SLC12A8: variants seen among roughly 807,000 people sequenced by gnomAD.
SLC12A8 encodes cation-chloride cotransporter 9.
In SLC12A8, 69 loss-of-function variants were observed where a neutral mutation model predicts 75.6. The observed-to-expected ratio is 0.91, with a 90% CI of 0.75 to 1.11. The LOEUF (loss-of-function observed/expected upper bound fraction) is 1.11, where lower values mean the gene tolerates loss of function less well. SLC12A8 is among the 50% of genes most tolerant of loss of function. The pLI, the probability that SLC12A8 is intolerant of heterozygous loss-of-function variation, is 0.00. For missense variants in SLC12A8, 877 were observed against 896.7 expected, an observed-to-expected ratio of 0.98 and a Z score of 0.28; for synonymous variants, 365 against 372.8, an observed-to-expected ratio of 0.98 and a Z score of 0.24.
At chr3:125,178,373 G>A (rs997246866) in intron 4 of SLC12A8, among the ~76,000 whole-genome samples, 1 of 152,040 alleles carries the variant, frequency 6.6e-6, no homozygotes, top group Admixed American at 6.6e-5. Context: ...AAAGGACACT[G>A]CAGTAAACCA....
At position 125,100,998 on chromosome 3, in the gene SLC12A8, C is replaced by T. The variant is rs1278977439; in HGVS notation, c.1705+6483G>A. Among the ~76,000 whole-genome samples, 50 of 117,448 alleles carry T rather than the reference C, an allele frequency of 4.3e-4. 3 individuals carry two copies. The highest frequency in any genetic ancestry group is 2.9e-3 in the Admixed American group (24 of 8,276). 77.1% of individuals were successfully genotyped at this position (117,448 alleles called of 152,430 possible). A position where few individuals can be genotyped will look rare whatever the true frequency, so the allele number is the denominator to read the frequency against. On this transcript the variant is annotated intron_variant, in intron 10 of 13. Transcript: ENST00000469902. ...ACTGCAGTCCGCAGTCCGGCCTGGG[C>T]GACAGAGCGAGACTCCGTCTCAAAA...
rs577417656 is a variant in SLC12A8 at position 125,095,175 on chromosome 3, C to T, written c.1706-2977G>A. On this transcript the variant is annotated intron_variant, in intron 10 of 13. Coordinates refer to ENST00000469902, the MANE Select transcript of SLC12A8 (RefSeq NM_024628.6). ...AAGTTTACATCATCCTCGACCTCTCCCTTGAACTTAAGTTTTGAATAGCTC... is the reference window on the plus strand; with the variant it reads ...AAGTTTACATCATCCTCGACCTCTCTCTTGAACTTAAGTTTTGAATAGCTC... Among the ~76,000 whole-genome samples the T allele has an allele frequency of 2.6e-5, 4 of 152,314 alleles. No homozygotes were observed. The East Asian group carries it at 5.8e-4, about 22-fold the overall frequency.
chr3:125,189,413 C>T (rs1934863875), intron 3 of SLC12A8, among the ~76,000 whole-genome samples: 1 of 152,216 alleles, frequency 6.6e-6, no homozygotes, highest in Admixed American at 6.5e-5. Flanking sequence ...GTCCAGCTCA[C>T]CCTTCAAAGC....
At chr3:125,123,161 G>C (rs1269484964) in intron 6 of SLC12A8, among the ~76,000 whole-genome samples, 1 of 151,804 alleles carries the variant, frequency 6.6e-6, no homozygotes, top group Non-Finnish European at 1.5e-5. Flanking sequence ...GATCATCTGA[G>C]GTCAGGAGTT....
intron 10 of SLC12A8, among the ~76,000 whole-genome samples, chr3:125,106,489 C>G (rs951998713): frequency 6.6e-6 from 1 of 152,024 alleles, no homozygotes; most frequent in Admixed American, 6.6e-5. Flanking sequence ...CTGCAACCTC[C>G]GCCTCCTGGG....
intron 12 of SLC12A8, 132 bp downstream of exon 12, chr3:125,091,307 C>T (rs1386155318): frequency 4.5e-6 from 3 of 660,096 alleles, no homozygotes; most frequent in African/African-American, 1.8e-5. Flanking sequence ...TCCTCCTAGA[C>T]TATAAATTAT....
chr3:125,141,523 C>A (rs1193738830), intron 5 of SLC12A8, among the ~76,000 whole-genome samples: 1 of 152,232 alleles, frequency 6.6e-6, no homozygotes, highest in African/African-American at 2.4e-5. Flanking sequence ...GTGGCACCTG[C>A]GGTGCCCCCG....
chr3:125,147,370 G>C (rs1420430023), intron 5 of SLC12A8, among the ~76,000 whole-genome samples: 1 of 152,224 alleles, frequency 6.6e-6, no homozygotes, highest in Non-Finnish European at 1.5e-5. Context: ...GGGGCTGGCA[G>C]GGGCACTCTG....
At chr3:125,190,295 T>C in intron 3 of SLC12A8, 80 bp downstream of exon 3, 3 of 1,492,344 alleles carry the variant, frequency 2.0e-6, no homozygotes, top group Non-Finnish European at 2.8e-6. Flanking sequence ...ATCTGTGGCC[T>C]GCACTGTAGA....
At chr3:125,210,037 T>G (rs888052994) in intron 2 of SLC12A8, among the ~76,000 whole-genome samples, 2 of 152,160 alleles carry the variant, frequency 1.3e-5, no homozygotes, top group African/African-American at 4.8e-5. Flanking sequence ...CCATGTCCAA[T>G]CCTTCGATGT....
chr3:125,133,759 C>T (rs973671618), intron 6 of SLC12A8, among the ~76,000 whole-genome samples: 5 of 151,948 alleles, frequency 3.3e-5, no homozygotes, highest in African/African-American at 1.2e-4. Context: ...TTGTAGAGAC[C>T]ACAGGGTCTC....
At chr3:125,195,845 G>A (rs1935000468) in intron 2 of SLC12A8, among the ~76,000 whole-genome samples, 1 of 152,138 alleles carries the variant, frequency 6.6e-6, no homozygotes. Context: ...CCATGTCAAG[G>A]CCACCTAAAC....
In SLC12A8 at chr3:125,096,299, C is replaced by A. The variant is rs529520273; in HGVS notation, c.1706-4101G>T. Reference sequence around the variant, plus strand: ...AGTGCATCTTCCTCCCCACCCTGGTCTCTCTTTATCCCATTACTCTATTAT... The same window carrying A: ...AGTGCATCTTCCTCCCCACCCTGGTATCTCTTTATCCCATTACTCTATTAT... On this transcript the variant is annotated intron_variant, in intron 10 of 13. Transcript: ENST00000469902. Among the ~76,000 whole-genome samples, 54 of 152,346 alleles carry A rather than the reference C, an allele frequency of 3.5e-4. 1 individual carries two copies. Among genetic ancestry groups the A allele is most frequent in the African/African-American group, 1.0e-3 (43 of 41,586 alleles).
rs549791177 is a variant in SLC12A8 at position 125,125,965 on chromosome 3, C to T, written c.737-5279G>A. ...GCATCACCAGCTCCTAATCTCTAGA[C>T]AGTGCTGGATTGATGGCATTTCTGG... is the stretch of plus-strand genomic sequence containing the variant. On this transcript the variant is annotated intron_variant, in intron 6 of 13. Coordinates refer to ENST00000469902, the MANE Select transcript of SLC12A8 (RefSeq NM_024628.6). The T allele has an allele frequency of 2.0e-5, 20 of 982,446 alleles. No individual in the cohort carries two copies. In the Admixed American group the frequency reaches 3.7e-4, roughly 18 times the overall value. 60.9% of individuals were successfully genotyped at this position (982,446 alleles called of 1,614,324 possible).
At chr3:125,084,100 C>T in intron 13 of SLC12A8, 48 bp from the exon 14 acceptor site, 1 of 1,540,106 alleles carries the variant, frequency 6.5e-7, no homozygotes, top group African/African-American at 1.4e-5. Context: ...AGAACAGAGA[C>T]TGAACAGTAG....
chr3:125,144,210 C>G lies in SLC12A8; in HGVS notation c.623-8428G>C, dbSNP rs145917469. Among the ~76,000 whole-genome samples the G allele has an allele frequency of 4.8e-3, 735 of 152,342 alleles. 24 individuals carry two copies. The highest frequency in any genetic ancestry group is 0.04 in the Admixed American group (616 of 15,308). On this transcript the variant is annotated intron_variant, in intron 5 of 13. Coordinates refer to ENST00000469902, the MANE Select transcript of SLC12A8 (RefSeq NM_024628.6). Reference sequence around the variant, plus strand: ...GGGGTGAGAACAGTGCTGTCTACTTCCGCTGCATACCACTCATTCCAAGTG... The same window carrying G: ...GGGGTGAGAACAGTGCTGTCTACTTGCGCTGCATACCACTCATTCCAAGTG...
intron 10 of SLC12A8, among the ~76,000 whole-genome samples, chr3:125,095,797 G>A (rs894316358): frequency 3.3e-5 from 5 of 152,180 alleles, no homozygotes; most frequent in African/African-American, 4.8e-5. Context: ...AGCCTCCCAC[G>A]GAGTTGGAAC....
At chr3:125,212,461 A>G (rs887930244) in intron 1 of SLC12A8, among the ~76,000 whole-genome samples, 6 of 151,672 alleles carry the variant, frequency 4.0e-5, no homozygotes, top group East Asian at 2.0e-4. Context: ...CCCTACCCTC[A>G]CGTTTGGGCC....
intron 6 of SLC12A8, among the ~76,000 whole-genome samples, chr3:125,131,900 G>T (rs986104683): frequency 6.6e-6 from 1 of 152,064 alleles, no homozygotes; most frequent in Non-Finnish European, 1.5e-5. Flanking sequence ...CCCCCACCCC[G>T]CCAACTCCCT....
Sources: allele counts gnomAD v4.1 joint callset (sites outside exome capture counted in the v4.1 genomes callset), GRCh38; gene constraint gnomAD v4.1.1; transcripts MANE v1.5; gene names NCBI Gene and HGNC (gene_info 2026-07-23, HGNC 2026-07-21).